The following RALGAPA2 variants were observed in gnomAD, a reference collection of about 807,000 sequenced individuals.
The protein encoded by RALGAPA2 is ral GTPase-activating protein subunit alpha-2.
RALGAPA2 carries 139 observed loss-of-function variants against 230.4 expected under a neutral mutation model. That is an observed-to-expected ratio of 0.60 (90% CI 0.53 to 0.69). The LOEUF is 0.69. Among genes scored for constraint, RALGAPA2 ranks in the 30% least tolerant of loss-of-function variants. The pLI is 0.00. For synonymous variants in RALGAPA2, 847 were observed against 837.8 expected (o/e 1.01, Z -0.19); for missense variants, 2,163 against 2,276.0 (o/e 0.95, Z 1.01).
intron 37 of RALGAPA2, among the ~76,000 whole-genome samples, chr20:20,430,800 T>A (rs751237577): frequency 6.6e-6 from 1 of 152,200 alleles, no homozygotes; most frequent in Non-Finnish European, 1.5e-5. Context: ...CTGGTCTCAG[T>A]ATATACTCTA....
intron 14 of RALGAPA2, among the ~76,000 whole-genome samples, chr20:20,608,088 TAAG>T (rs1187059651): frequency 6.6e-6 from 1 of 152,168 alleles, no homozygotes; most frequent in Non-Finnish European, 1.5e-5. Flanking sequence ...TCATTAAAAA[TAAG>T]AAGTGCATAA....
intron 27 of RALGAPA2, among the ~76,000 whole-genome samples, chr20:20,527,776 A>C (rs1321569974): frequency 6.6e-6 from 1 of 152,096 alleles, no homozygotes; most frequent in Admixed American, 6.6e-5. Flanking sequence ...TGGCCCCCTT[A>C]AGGATGTGCG....
intron 37 of RALGAPA2, among the ~76,000 whole-genome samples, chr20:20,441,404 C>T (rs1237676685): frequency 2.0e-5 from 3 of 152,182 alleles, no homozygotes; most frequent in Non-Finnish European, 4.4e-5. Context: ...GGACCTGTGG[C>T]TAGCCTTGTT....
intron 37 of RALGAPA2, among the ~76,000 whole-genome samples, chr20:20,448,232 T>C (rs2060908328): frequency 6.6e-6 from 1 of 152,222 alleles, no homozygotes; most frequent in South Asian, 2.1e-4. Flanking sequence ...AACTCTATCA[T>C]ATTTCAAGAC....
chr20:20,677,713 G>A lies in RALGAPA2; in HGVS notation c.218-1425C>T, dbSNP rs558768488. 2.6e-3 allele frequency among the ~76,000 whole-genome samples: 348 copies of A among 134,658 alleles called. 2 individuals are homozygous for A. Among genetic ancestry groups the A allele is most frequent in the Non-Finnish European group, 1.2e-3 (79 of 65,790 alleles). The allele number at this position is 134,658 out of a possible 152,430, so 88.3% of individuals were successfully genotyped here. A position where few individuals can be genotyped will look rare whatever the true frequency, so the allele number is the denominator to read the frequency against. On this transcript the variant is annotated intron_variant, in intron 2 of 39. Coordinates refer to ENST00000202677, the MANE Select transcript of RALGAPA2 (RefSeq NM_020343.4). ...GGCTGGAGTGCAGTGGCGCGATCTC[G>A]GCTCACTGCAAGCTCCGCCTCCTGG...
intron 35 of RALGAPA2, among the ~76,000 whole-genome samples, chr20:20,502,322 C>T (rs1398743454): frequency 6.6e-6 from 1 of 152,044 alleles, no homozygotes; most frequent in East Asian, 1.9e-4. Context: ...GGCCAATCGG[C>T]CAATATAAAG....
intron 1 of RALGAPA2, among the ~76,000 whole-genome samples, chr20:20,686,281 C>T (rs1419251531): frequency 6.6e-6 from 1 of 152,200 alleles, no homozygotes; most frequent in East Asian, 1.9e-4. Context: ...CATGGTGGCT[C>T]ACACCTGTAA....
intron 23 of RALGAPA2, among the ~76,000 whole-genome samples, chr20:20,563,045 G>A (rs1366201798): frequency 6.6e-6 from 1 of 152,172 alleles, no homozygotes; most frequent in Non-Finnish European, 1.5e-5. Context: ...TTAATTATAT[G>A]ACAGCTTCTG....
intron 1 of RALGAPA2, among the ~76,000 whole-genome samples, chr20:20,691,193 A>G (rs1469844751): frequency 1.3e-5 from 2 of 152,062 alleles, no homozygotes; most frequent in African/African-American, 4.8e-5. Context: ...TAAGTCCAAC[A>G]ACTCTTCAAC....
chr20:20,634,975 T>C (rs1286752431), intron 9 of RALGAPA2, among the ~76,000 whole-genome samples: 1 of 152,168 alleles, frequency 6.6e-6, no homozygotes, highest in Non-Finnish European at 1.5e-5. Context: ...GAGCTGCTGA[T>C]CTACTTCCCT....
At chr20:20,544,338 C>CAAAA (rs78312536) in intron 24 of RALGAPA2, among the ~76,000 whole-genome samples, 6 of 89,414 alleles carry the variant, frequency 6.7e-5, no homozygotes, top group Admixed American at 1.2e-4. Context: ...GACTCTGTCT[C>CAAAA]AAAAAAAAAA....
chr20:20,669,958 C>T (rs914867323), intron 3 of RALGAPA2, among the ~76,000 whole-genome samples: 1 of 152,200 alleles, frequency 6.6e-6, no homozygotes, highest in Non-Finnish European at 1.5e-5. Context: ...ACTCTCCTTT[C>T]CCTTATGCAG....
At chr20:20,596,243 AAAGT>A (rs1176744256) in intron 16 of RALGAPA2, among the ~76,000 whole-genome samples, 2 of 152,210 alleles carry the variant, frequency 1.3e-5, no homozygotes, top group South Asian at 4.1e-4. Flanking sequence ...ATCGTAGCTA[AAAGT>A]AAGTAATTGT....
chr20:20,704,636 G>A (rs953867703), intron 1 of RALGAPA2, among the ~76,000 whole-genome samples: 1 of 152,180 alleles, frequency 6.6e-6, no homozygotes, highest in Non-Finnish European at 1.5e-5. Context: ...CAGCAGCCCA[G>A]ACTATATCTT....
At chr20:20,659,142 C>G (rs2146655592) in intron 3 of RALGAPA2, among the ~76,000 whole-genome samples, 1 of 152,262 alleles carries the variant, frequency 6.6e-6, no homozygotes, top group African/African-American at 2.4e-5. Context: ...ATGCAGAAAA[C>G]TTATGATGAG....
At chr20:20,414,052 G>A (rs1036712260) in intron 37 of RALGAPA2, among the ~76,000 whole-genome samples, 9 of 152,282 alleles carry the variant, frequency 5.9e-5, no homozygotes, top group Non-Finnish European at 1.2e-4. Context: ...GGAACAGCAG[G>A]ACGTTAGGCC....
At position 20,458,513 on chromosome 20, in the gene RALGAPA2, T is replaced by C. The variant is rs565387216; in HGVS notation, c.5495+14316A>G. Among the ~76,000 whole-genome samples, 10 of 138,904 alleles carry C rather than the reference T, an allele frequency of 7.2e-5. 1 individual carries two copies. The East Asian group carries it at 1.0e-3, about 14-fold the overall frequency. 91.1% of individuals were successfully genotyped at this position (138,904 alleles called of 152,430 possible). ...TTTTATATATATTATATATAATATA[T>C]ATGTATTTTATATATATTATATATA... On this transcript the variant is annotated intron_variant, in intron 37 of 39. Coordinates refer to ENST00000202677, the MANE Select transcript of RALGAPA2 (RefSeq NM_020343.4).
intron 32 of RALGAPA2, 108 bp downstream of exon 32, chr20:20,512,405 T>A: frequency 8.7e-7 from 1 of 1,153,626 alleles, no homozygotes; most frequent in Non-Finnish European, 1.2e-6. Context: ...AAATCTCCCT[T>A]CTCCTCTCTT....
intron 37 of RALGAPA2, among the ~76,000 whole-genome samples, chr20:20,420,349 T>C (rs567593009): frequency 4.3e-4 from 65 of 152,220 alleles, no homozygotes; most frequent in Non-Finnish European, 7.2e-4. Context: ...TGTCCTCTAG[T>C]TTGGAAGAGG....
Sources: allele counts gnomAD v4.1 joint callset (sites outside exome capture counted in the v4.1 genomes callset), GRCh38; gene constraint gnomAD v4.1.1; transcripts MANE v1.5; gene names NCBI Gene and HGNC (gene_info 2026-07-23, HGNC 2026-07-21).